ANXA6: variants seen among roughly 807,000 people sequenced by gnomAD.
ANXA6 encodes the protein 67 kDa calelectrin.
A neutral mutation model predicts 95.4 loss-of-function variants in ANXA6; 71 were observed. The ratio of observed to expected loss-of-function variants is 0.74; its 90% CI spans 0.61 to 0.91. The LOEUF is 0.91. Ranked by LOEUF, ANXA6 falls within the 40% of genes least tolerant of loss-of-function variation. The pLI is 0.00. For missense variants in ANXA6, 830 were observed against 876.4 expected, an observed-to-expected ratio of 0.95 and a Z score of 0.67; for synonymous variants, 289 against 315.9, an observed-to-expected ratio of 0.91 and a Z score of 0.90.
chr5:151,122,791 A>C (rs879241727), intron 16 of ANXA6, 126 bp downstream of exon 16: 1 of 769,760 alleles, frequency 1.3e-6, no homozygotes, highest in Non-Finnish European at 2.2e-6. Flanking sequence ...AGATCATATG[A>C]CCACACAGGG....
chr5:151,105,038 A>T (rs760034099), intron 24 of ANXA6, among the ~76,000 whole-genome samples: 1 of 152,220 alleles, frequency 6.6e-6, no homozygotes, highest in Non-Finnish European at 1.5e-5. Flanking sequence ...ATTGCCAAAT[A>T]TCCTCCGGGG....
At position 151,124,274 on chromosome 5, in the gene ANXA6, C is replaced by A; in HGVS notation, c.1138+12G>T. On this transcript the variant is annotated intron_variant, in intron 15 of 25. Transcript: ENST00000354546. ...CTGGAGACCAACCCTGCTCCCTTCC[C>A]ATCCCCCATACCGAGTCCCTTCATG... 6.2e-7 allele frequency: 1 copy of A among 1,612,910 alleles called. No homozygotes were observed. The highest frequency in any genetic ancestry group is 1.1e-5 in the South Asian group (1 of 90,812).
At chr5:151,121,678 G>A (rs1765172992) in intron 17 of ANXA6, among the ~76,000 whole-genome samples, 1 of 152,162 alleles carries the variant, frequency 6.6e-6, no homozygotes, top group African/African-American at 2.4e-5. Context: ...CCAACTGCTG[G>A]TGCTTTCGTT....
rs761374047 is a variant in ANXA6 at position 151,137,242 on chromosome 5, G to A, written c.398C>T (p.Ala133Val). 1 of 1,613,500 alleles carries A rather than the reference G, an allele frequency of 6.2e-7. No homozygotes were observed. The highest frequency in any genetic ancestry group is 8.5e-7 in the Non-Finnish European group (1 of 1,179,644). The stretch of plus-strand genomic sequence containing the variant: ...CCTGCCCATCTCACCATCTTTGTAT[G>A]CTGCCACCAGCTGGTGCATCTGCTC... ...TNEQMHQLVA[A>V]YKDAYERDLE... The change falls in exon 6 of 26, where the codon GCA (alanine) becomes GTA (valine). Residue 133 changes from alanine to valine, a missense_variant. Ala to Val is a moderately conservative substitution (Grantham distance 64). Coordinates refer to ENST00000354546, the MANE Select transcript of ANXA6 (RefSeq NM_001155.5).
At chr5:151,140,396 G>T in intron 2 of ANXA6, 153 bp from the exon 3 acceptor site, 1 of 670,762 alleles carries the variant, frequency 1.5e-6, no homozygotes, top group Non-Finnish European at 2.6e-6. Context: ...GGAGCGGTGT[G>T]GATGACTTTC....
At chr5:151,102,876 T>C (rs762703211) in intron 25 of ANXA6, among the ~76,000 whole-genome samples, 1 of 152,204 alleles carries the variant, frequency 6.6e-6, no homozygotes, top group African/African-American at 2.4e-5. Context: ...AGTGGGATGA[T>C]AGAAGTGTTT....
chr5:151,140,271 T>C, intron 2 of ANXA6, 28 bp from the exon 3 acceptor site: 1 of 1,602,886 alleles, frequency 6.2e-7, no homozygotes, highest in Non-Finnish European at 8.5e-7. Flanking sequence ...GAGGGTGAGC[T>C]GCCAACCCCG....
At chr5:151,109,713 T>C (rs772093394) in intron 22 of ANXA6, 40 bp downstream of exon 22, 2 of 1,495,210 alleles carry the variant, frequency 1.3e-6, no homozygotes, top group Admixed American at 3.7e-5. Flanking sequence ...GATTCTGGGA[T>C]CTTCCTGCTG....
At chr5:151,111,562 G>A (rs374738463) in intron 20 of ANXA6, among the ~76,000 whole-genome samples, 3 of 152,294 alleles carry the variant, frequency 2.0e-5, no homozygotes, top group Non-Finnish European at 1.5e-5. Flanking sequence ...AGCCTTCCAC[G>A]ATAGAATACA....
At chr5:151,139,621 G>A (rs977390418) in intron 3 of ANXA6, among the ~76,000 whole-genome samples, 174 bp from the exon 4 acceptor site, 6 of 152,130 alleles carry the variant, frequency 3.9e-5, no homozygotes, top group African/African-American at 7.2e-5. Context: ...ATTAAGTCAC[G>A]ACTGAAAGTG....
At chr5:151,109,346 T>G (rs1764785350) in intron 22 of ANXA6, among the ~76,000 whole-genome samples, 1 of 152,192 alleles carries the variant, frequency 6.6e-6, no homozygotes, top group South Asian at 2.1e-4. Context: ...CGGCAGCCTG[T>G]GGTTCAAAGA....
rs17111780 is a variant in ANXA6 at position 151,135,633 on chromosome 5, C to T, written c.489+623G>A. ...CAGGTAGATAACATTCACGGTGAAA[C>T]GGGCAGGACGCATATGCTCTCCAGC... On this transcript the variant is annotated intron_variant, in intron 7 of 25. Coordinates refer to ENST00000354546, the MANE Select transcript of ANXA6 (RefSeq NM_001155.5). Among the ~76,000 whole-genome samples, 974 of 152,282 alleles carry T rather than the reference C, an allele frequency of 6.4e-3. 18 individuals are homozygous for T. Among genetic ancestry groups the T allele is most frequent in the African/African-American group, 0.022 (934 of 41,548 alleles).
At chr5:151,133,063 G>A (rs1277414311) in intron 9 of ANXA6, 31 bp downstream of exon 9, 2 of 1,504,684 alleles carry the variant, frequency 1.3e-6, no homozygotes, top group Admixed American at 3.8e-5. Context: ...TCAACCCAAG[G>A]GAGCAGCTTC....
chr5:151,139,002 C>T (rs780779548), intron 4 of ANXA6: 14 of 603,824 alleles, frequency 2.3e-5, no homozygotes, highest in South Asian at 3.9e-5. Context: ...TGCTAGCAAA[C>T]GGCTATGCAG....
Position 151,122,255 on chromosome 5 carries a change from T to A in ANXA6, c.1239A>T (p.Leu413Phe). 1 of 1,600,460 alleles carries A rather than the reference T, an allele frequency of 6.2e-7. No homozygotes were observed. Among genetic ancestry groups the A allele is most frequent in the Non-Finnish European group, 8.5e-7 (1 of 1,172,822 alleles). Reference protein sequence around the residue: ...QTFKSHFGRDLMTDLKSEISG... With the variant: ...QTFKSHFGRDFMTDLKSEISG... ...AGATCTCAGACTTCAGGTCAGTCAT[T>A]AAGTCCTGCAAAGGGCAGAGCCACA... The change falls in exon 17 of 26, where the codon TTA becomes TTT. Residue 413 changes from leucine (L) to phenylalanine (F), a missense_variant. Transcript: ENST00000354546.
chr5:151,152,450 C>A (rs1330209174), intron 1 of ANXA6, among the ~76,000 whole-genome samples: 1 of 152,222 alleles, frequency 6.6e-6, no homozygotes, highest in Non-Finnish European at 1.5e-5. Context: ...TATGGAATTT[C>A]TCTGCCTCAG....
rs374204547 is a variant in ANXA6, at chr5:151,108,516, G to C, written c.1719C>G (p.Asp573Glu). Residue 573 changes from aspartate to glutamate, a missense_variant, in exon 23 of 26, where the codon GAC becomes GAG. By Grantham distance (45) the Asp-to-Glu change is conservative. Transcript: ENST00000354546. ...TCTCCTTCTTGATGGTGTGCTCCAC[G>C]TCATAGTTGGTCATCTTGATGAACT... ...FQEFIKMTNY[D>E]VEHTIKKEMS... The C allele has an allele frequency of 1.7e-5, 28 of 1,613,768 alleles. No individual in the cohort carries two copies. The highest frequency in any genetic ancestry group is 2.4e-5 in the Non-Finnish European group (28 of 1,179,868).
chr5:151,121,593 C>T (rs1379644135), intron 17 of ANXA6, among the ~76,000 whole-genome samples: 1 of 152,136 alleles, frequency 6.6e-6, no homozygotes, highest in African/African-American at 2.4e-5. Context: ...GATGAAGGCA[C>T]AGAGGATTGG....
At chr5:151,127,421 C>T (rs1198281514) in intron 13 of ANXA6, among the ~76,000 whole-genome samples, 2 of 152,222 alleles carry the variant, frequency 1.3e-5, no homozygotes, top group Non-Finnish European at 2.9e-5. Flanking sequence ...GGCCCTCCCA[C>T]TTCTCTGCCT....
Sources: allele counts gnomAD v4.1 joint callset (sites outside exome capture counted in the v4.1 genomes callset), GRCh38; gene constraint gnomAD v4.1.1; transcripts MANE v1.5; gene names NCBI Gene and HGNC (gene_info 2026-07-23, HGNC 2026-07-21).